Variants in RSPRY1 observed in about 807,000 individuals in gnomAD.
RSPRY1 encodes the protein RING finger and SPRY domain-containing protein 1.
A neutral mutation model predicts 73.1 loss-of-function variants in RSPRY1; 23 were observed. The ratio of observed to expected loss-of-function variants is 0.31; its 90% CI spans 0.23 to 0.45. The LOEUF (loss-of-function observed/expected upper bound fraction) is 0.45. RSPRY1 is among the 20% of genes least tolerant of loss of function. The pLI, the probability that RSPRY1 is intolerant of heterozygous loss-of-function variation, is 1.00. For missense variants in RSPRY1, 448 were observed against 698.7 expected, an observed-to-expected ratio of 0.64 and a Z score of 4.05; for synonymous variants, 226 against 251.4, an observed-to-expected ratio of 0.90 and a Z score of 0.95.
intron 10 of RSPRY1, chr16:57,224,577 C>T (rs2075091852): frequency 6.6e-6 from 1 of 152,182 alleles, no homozygotes; most frequent in South Asian, 2.1e-4. Flanking sequence ...TCTGTCCTAG[C>T]CAATGGAAAC....
At chr16:57,206,945 T>C (rs1281022209) in intron 2 of RSPRY1, among the ~76,000 whole-genome samples, 4 of 152,244 alleles carry the variant, frequency 2.6e-5, no homozygotes, top group Non-Finnish European at 5.9e-5. Flanking sequence ...AAATCTGTGT[T>C]ACTGTATATA....
At position 57,221,306 on chromosome 16, in the gene RSPRY1, G is replaced by A. The variant is rs755887850; in HGVS notation, c.1052G>A (p.Arg351His). Residue 351 changes from arginine to histidine, a missense_variant, in exon 10 of 15, where the codon CGT (arginine) becomes CAT (histidine). Coordinates refer to ENST00000394420, the MANE Select transcript of RSPRY1 (RefSeq NM_133368.3). ...GATGCCTCCTCTTTTGAAAGTGTGC[G>A]TTGCACCTTTTGTGTGGATGCCGGG... ...RCDASSFESV[R>H]CTFCVDAGVW... 2.5e-6 allele frequency: 4 copies of A among 1,613,878 alleles called. No individual in the cohort carries two copies. Among genetic ancestry groups the A allele is most frequent in the African/African-American group, 1.3e-5 (1 of 74,870 alleles).
intron 4 of RSPRY1, among the ~76,000 whole-genome samples, chr16:57,212,622 C>T (rs1303616256): frequency 1.3e-5 from 2 of 151,884 alleles, no homozygotes; most frequent in Admixed American, 6.6e-5. Context: ...TATAGCTCCC[C>T]CCACCCCCCT....
chr16:57,210,160 C>A (rs1283890140), intron 4 of RSPRY1, among the ~76,000 whole-genome samples: 12 of 151,464 alleles, frequency 7.9e-5, no homozygotes, highest in African/African-American at 2.7e-4. Flanking sequence ...CTCACTGTAT[C>A]CTCAACCTCT....
At chr16:57,188,317 G>T (rs531045819) in intron 1 of RSPRY1, among the ~76,000 whole-genome samples, 2 of 150,674 alleles carry the variant, frequency 1.3e-5, no homozygotes, top group South Asian at 4.2e-4. Flanking sequence ...GTTAGAGATG[G>T]TTTTCCAAAT....
chr16:57,227,314 T>TA, intron 10 of RSPRY1, 28 bp from the exon 11 acceptor site: 1 of 1,517,018 alleles, frequency 6.6e-7, no homozygotes, highest in African/African-American at 1.4e-5. Flanking sequence ...GCAGACTTGC[T>TA]AATCTTCTGG....
chr16:57,226,800 C>T (rs1383552939), intron 10 of RSPRY1, among the ~76,000 whole-genome samples: 3 of 152,132 alleles, frequency 2.0e-5, no homozygotes, highest in Non-Finnish European at 2.9e-5. Context: ...CTAAGAATGC[C>T]TAACCTCTTG....
chr16:57,235,372 C>T (rs1261710855), intron 14 of RSPRY1, 144 bp downstream of exon 14: 3 of 619,912 alleles, frequency 4.8e-6, no homozygotes, highest in Non-Finnish European at 8.5e-6. Flanking sequence ...CAGAAAGTAC[C>T]TGAAATAGAA....
intron 4 of RSPRY1, among the ~76,000 whole-genome samples, chr16:57,210,288 C>T (rs1355414864): frequency 6.6e-6 from 1 of 151,764 alleles, no homozygotes; most frequent in African/African-American, 2.4e-5. Flanking sequence ...CTATGTTGCC[C>T]AGGCTGATTT....
chr16:57,207,234 A>G (rs1400291783), intron 2 of RSPRY1, among the ~76,000 whole-genome samples: 1 of 152,206 alleles, frequency 6.6e-6, no homozygotes, highest in Non-Finnish European at 1.5e-5. Context: ...AACAGGCAGC[A>G]CCTAATGAGT....
chr16:57,200,668 C>T (rs1314829116), intron 1 of RSPRY1, among the ~76,000 whole-genome samples: 1 of 115,250 alleles, frequency 8.7e-6, no homozygotes, highest in Admixed American at 9.0e-5. Flanking sequence ...GGGGCTGACC[C>T]CCCCACCTCC....
chr16:57,220,884 T>G (rs769154116), intron 9 of RSPRY1, 37 bp downstream of exon 9: 1 of 1,392,310 alleles, frequency 7.2e-7, no homozygotes, highest in South Asian at 1.2e-5. Flanking sequence ...CTTTGGGGGA[T>G]GAGAGGGTAA....
chr16:57,237,461 T>C, intron 14 of RSPRY1, among the ~76,000 whole-genome samples: 1 of 152,086 alleles, frequency 6.6e-6, no homozygotes. Flanking sequence ...TAGAAATCTT[T>C]AATATAATTA....
At chr16:57,217,416 C>T (rs529595568) in intron 8 of RSPRY1, among the ~76,000 whole-genome samples, 1 of 152,270 alleles carries the variant, frequency 6.6e-6, no homozygotes, top group Admixed American at 6.5e-5. Flanking sequence ...CTTTACTTCT[C>T]TCCCTTTCCC....
Position 57,204,720 on chromosome 16 carries a change from T to C in RSPRY1, c.62T>C (p.Leu21Ser). 1.2e-6 allele frequency: 2 copies of C among 1,614,224 alleles called. No homozygotes were observed. Among genetic ancestry groups the C allele is most frequent in the Non-Finnish European group, 1.7e-6 (2 of 1,180,040 alleles). Residue 21 changes from leucine to serine, a missense_variant, in exon 2 of 15, where the codon TTG (leucine) becomes TCG (serine). By Grantham distance (145) the Leu-to-Ser change is moderately radical. Coordinates refer to ENST00000394420, the MANE Select transcript of RSPRY1 (RefSeq NM_133368.3). The stretch of plus-strand genomic sequence containing the variant: ...AGAAGCCTTGGCCAGGGTCTGTTGT[T>C]GACTCTCGAAGAGCACATAGCCCAC... ...ASRSLGQGLLLTLEEHIAHFL... is the reference protein window; with the variant it reads ...ASRSLGQGLLSTLEEHIAHFL...
At chr16:57,226,668 G>T (rs1484630713) in intron 10 of RSPRY1, among the ~76,000 whole-genome samples, 2 of 152,218 alleles carry the variant, frequency 1.3e-5, no homozygotes, top group Non-Finnish European at 2.9e-5. Flanking sequence ...GGTCACTTTT[G>T]TTGCCATCTT....
intron 14 of RSPRY1, 82 bp from the exon 15 acceptor site, chr16:57,238,797 C>A: frequency 1.5e-6 from 1 of 668,038 alleles, no homozygotes; most frequent in South Asian, 2.6e-5. Context: ...AACTTGTTAA[C>A]ATTTTTGATT....
At chr16:57,201,389 C>A (rs1448162005) in intron 1 of RSPRY1, among the ~76,000 whole-genome samples, 1 of 151,652 alleles carries the variant, frequency 6.6e-6, no homozygotes, top group African/African-American at 2.4e-5. Flanking sequence ...CTCCCCACAT[C>A]TCAGACGATG....
intron 2 of RSPRY1, 182 bp downstream of exon 2, chr16:57,205,190 T>C (rs2074701930): frequency 5.2e-6 from 3 of 578,522 alleles, no homozygotes; most frequent in Non-Finnish European, 9.2e-6. Flanking sequence ...ATGTTTTTGC[T>C]TGCTGTCATC....
Sources: allele counts gnomAD v4.1 joint callset (sites outside exome capture counted in the v4.1 genomes callset), GRCh38; gene constraint gnomAD v4.1.1; transcripts MANE v1.5; gene names NCBI Gene and HGNC (gene_info 2026-07-23, HGNC 2026-07-21).